CEP70: variants seen among roughly 807,000 people sequenced by gnomAD.
CEP70 encodes the protein centrosomal protein of 70 kDa.
Under a neutral mutation model 90.9 loss-of-function variants are expected in CEP70, and 70 were observed. The ratio of observed to expected loss-of-function variants is 0.77; its 90% CI spans 0.64 to 0.94. The LOEUF is 0.94. CEP70 is among the 40% of genes least tolerant of loss of function. The pLI is 0.00. For synonymous variants in CEP70, 220 were observed against 228.3 expected, an observed-to-expected ratio of 0.96 and a Z score of 0.33; for missense variants, 648 against 669.0, an observed-to-expected ratio of 0.97 and a Z score of 0.35.
intron 17 of CEP70, chr3:138,496,437 A>G (rs1325456663): frequency 2.0e-6 from 2 of 985,334 alleles, no homozygotes; most frequent in East Asian, 2.3e-4. Context: ...CAATTCCCTT[A>G]CATTGTGGTA....
Position 138,496,285 on chromosome 3 carries a change from C to T in CEP70, c.1733-1209G>A, listed in dbSNP as rs79719351. ...GGTTGCTCTTCACTTAGCCTACACACATAGCCCATGCTCTCCTACTATTCA... is the reference window on the plus strand; with the variant it reads ...GGTTGCTCTTCACTTAGCCTACACATATAGCCCATGCTCTCCTACTATTCA... On this transcript the variant is annotated intron_variant, in intron 17 of 17. Coordinates refer to ENST00000264982, the MANE Select transcript of CEP70 (RefSeq NM_024491.4). The T allele has an allele frequency of 6.0e-4, 594 of 985,448 alleles. 1 individual carries two copies. The African/African-American group carries it at 9.8e-3, about 16-fold the overall frequency. The allele number at this position is 985,448 out of a possible 1,614,324, so 61.0% of individuals were successfully genotyped here.
rs1269537443 is a variant in CEP70 at position 138,571,339 on chromosome 3, C to T, written c.87G>A (p.Trp29Ter). 8 of 1,607,584 alleles carry T rather than the reference C, an allele frequency of 5.0e-6. No homozygotes were observed. In the Admixed American group the frequency reaches 1.2e-4, roughly 24 times the overall value. ...TCATCAATAGCACATTTATGCTTTC[C>T]CATTCTGCTTCTTCCTGCTACAATT... is the stretch of plus-strand genomic sequence containing the variant. ...MTEKQQEEAE[W>*]ESINVLLMMH... Residue 29 changes from tryptophan to a stop codon, truncating the protein, a stop_gained, in exon 4 of 18, where the codon TGG becomes TGA. Transcript: ENST00000264982. LOFTEE classifies it high-confidence loss of function.
At chr3:138,495,224 GTGA>G in intron 17 of CEP70, 148 bp from the exon 18 acceptor site, 1 of 571,592 alleles carries the variant, frequency 1.7e-6, no homozygotes, top group East Asian at 2.9e-5. Context: ...TTCTCCGATA[GTGA>G]TGATAGATTA....
Position 138,571,156 on chromosome 3 carries a change from A to T in CEP70, c.162T>A (p.Asp54Glu), listed in dbSNP as rs2041147624. ...ATGACTGTTTGTCAAAAATGATGAG[A>T]TCTACATTTAAAAAGTATATAATAC... ...LSLVKRTDLK[D>E]LIIFDKQSSQ... The change falls in exon 5 of 18, where the codon GAT becomes GAA. Residue 54 changes from aspartate (D) to glutamate (E), a missense_variant and splice_region_variant. Transcript: ENST00000264982. 6.3e-7 allele frequency: 1 copy of T among 1,586,696 alleles called. No homozygotes were observed. The highest frequency in any genetic ancestry group is 8.6e-7 in the Non-Finnish European group (1 of 1,165,462).
intron 3 of CEP70, 42 bp from the exon 4 acceptor site, chr3:138,571,398 A>G (rs766820656): frequency 7.7e-7 from 1 of 1,293,258 alleles, no homozygotes; most frequent in East Asian, 2.3e-5. Context: ...CTTTAGATAT[A>G]AAGTGAAGAA....
At chr3:138,524,109 A>G (rs1422033815) in intron 11 of CEP70, among the ~76,000 whole-genome samples, 1 of 145,638 alleles carries the variant, frequency 6.9e-6, no homozygotes. Context: ...AACCTGACAA[A>G]AACAAGAAAT....
chr3:138,496,910 C>T, intron 17 of CEP70: 1 of 985,830 alleles, frequency 1.0e-6, no homozygotes, highest in Non-Finnish European at 1.2e-6. Flanking sequence ...TACCAGCACA[C>T]CCTATTAAAA....
At chr3:138,528,857 T>C (rs1282975522) in intron 10 of CEP70, among the ~76,000 whole-genome samples, 1 of 152,176 alleles carries the variant, frequency 6.6e-6, no homozygotes, top group East Asian at 1.9e-4. Flanking sequence ...CCAGCCGTCG[T>C]GGTGTGCACC....
intron 6 of CEP70, among the ~76,000 whole-genome samples, chr3:138,543,690 G>A (rs1421544410): frequency 6.6e-6 from 1 of 152,174 alleles, no homozygotes; most frequent in Non-Finnish European, 1.5e-5. Flanking sequence ...AGCTGCTTCA[G>A]ATTTGTTGCC....
intron 6 of CEP70, among the ~76,000 whole-genome samples, chr3:138,558,527 A>G (rs1305503947): frequency 6.6e-6 from 1 of 152,196 alleles, no homozygotes; most frequent in Non-Finnish European, 1.5e-5. Context: ...AAAATTAGAC[A>G]CAAAGGCCTA....
chr3:138,521,819 C>T (rs1476425679), intron 11 of CEP70, among the ~76,000 whole-genome samples: 4 of 152,170 alleles, frequency 2.6e-5, no homozygotes, highest in East Asian at 1.9e-4. Context: ...GCCATGATGA[C>T]GATGGCGGTT....
chr3:138,573,008 G>A (rs1425744840), intron 2 of CEP70, 76 bp from the exon 3 acceptor site: 4 of 969,282 alleles, frequency 4.1e-6, no homozygotes, highest in Non-Finnish European at 6.5e-6. Flanking sequence ...GACAAAAAGT[G>A]CAAAAGGAGT....
At chr3:138,532,459 T>C (rs2037909292) in intron 8 of CEP70, 55 bp downstream of exon 8, 4 of 1,401,262 alleles carry the variant, frequency 2.9e-6, no homozygotes. Context: ...CAGAAACTTC[T>C]GGTGTGAATA....
At chr3:138,579,779 C>T (rs1335611084) in intron 2 of CEP70, among the ~76,000 whole-genome samples, 3 of 151,906 alleles carry the variant, frequency 2.0e-5, no homozygotes, top group African/African-American at 7.3e-5. Context: ...AGCTGTGATC[C>T]AGCACATTCA....
intron 2 of CEP70, among the ~76,000 whole-genome samples, chr3:138,576,689 CACTT>C (rs1170993473): frequency 1.3e-5 from 2 of 152,118 alleles, no homozygotes; most frequent in African/African-American, 4.8e-5. Flanking sequence ...AAAAATTGAC[CACTT>C]AGTTGGAAGT....
chr3:138,511,448 C>T (rs149863558), intron 11 of CEP70, among the ~76,000 whole-genome samples: 197 of 152,352 alleles, frequency 1.3e-3, no homozygotes, highest in African/African-American at 4.6e-3. Context: ...TAGACGTAAA[C>T]TGATATATCT....
chr3:138,525,981 T>C (rs567552555), intron 10 of CEP70, among the ~76,000 whole-genome samples: 7 of 152,288 alleles, frequency 4.6e-5, no homozygotes, highest in South Asian at 2.1e-4. Context: ...TCCCATACCA[T>C]AGAGAACCAC....
In CEP70 at chr3:138,572,800, A is replaced by G. The variant is rs2041266525; in HGVS notation, c.69+59T>C. 7 of 1,078,922 alleles carry G rather than the reference A, an allele frequency of 6.5e-6. No homozygotes were observed. The Admixed American group carries it at 1.1e-4, about 16-fold the overall frequency. The allele number at this position is 1,078,922 out of a possible 1,614,324, so 66.8% of individuals were successfully genotyped here. A position where few individuals can be genotyped will look rare whatever the true frequency, so the allele number is the denominator to read the frequency against. Reference sequence around the variant, plus strand: ...TAAAGTCAAATTTTCCTGTTTGTAGATGTAGCATTCTTTGGCACATATTTT... The same window carrying G: ...TAAAGTCAAATTTTCCTGTTTGTAGGTGTAGCATTCTTTGGCACATATTTT... On this transcript the variant is annotated intron_variant, in intron 3 of 17. Transcript: ENST00000264982.
chr3:138,594,009 G>A (rs1158658728), intron 1 of CEP70, 189 bp downstream of exon 1: 1 of 152,320 alleles, frequency 6.6e-6, no homozygotes, highest in African/African-American at 2.4e-5. Flanking sequence ...GGGGAGCTGG[G>A]ACTGGAGGCA....
Sources: allele counts gnomAD v4.1 joint callset (sites outside exome capture counted in the v4.1 genomes callset), GRCh38; gene constraint gnomAD v4.1.1; transcripts MANE v1.5; gene names NCBI Gene and HGNC (gene_info 2026-07-23, HGNC 2026-07-21).